CCDC178: variants seen among roughly 807,000 people sequenced by gnomAD.
CCDC178 encodes the protein coiled-coil domain containing 178, also known as coiled-coil domain-containing protein 178.
Under a neutral mutation model 117.4 loss-of-function variants are expected in CCDC178, and 126 were observed. That is an observed-to-expected ratio of 1.07 (90% CI 0.93 to 1.24). The LOEUF (loss-of-function observed/expected upper bound fraction) is 1.24, where lower values mean the gene tolerates loss of function less well. Among genes scored for constraint, CCDC178 ranks in the 50% most tolerant of loss-of-function variants. The pLI, the probability that CCDC178 is intolerant of heterozygous loss-of-function variation, is 0.00. For missense variants in CCDC178, 1,030 were observed against 986.9 expected, an observed-to-expected ratio of 1.04 and a Z score of -0.59; for synonymous variants, 283 against 313.4, an observed-to-expected ratio of 0.90 and a Z score of 1.02.
chr18:33,287,075 T>C (rs969458432), intron 12 of CCDC178, among the ~76,000 whole-genome samples: 4 of 69,370 alleles, frequency 5.8e-5, no homozygotes, highest in Admixed American at 5.6e-4. Context: ...AAGGAAACAA[T>C]GTGTTTTCAT....
At chr18:33,106,838 T>C (rs867874399) in intron 20 of CCDC178, among the ~76,000 whole-genome samples, 20 of 151,766 alleles carry the variant, frequency 1.3e-4, no homozygotes, top group Middle Eastern at 3.4e-3. Flanking sequence ...AAAATATGTA[T>C]GGGAATTGAG....
chr18:33,213,285 G>C (rs2059128062), intron 19 of CCDC178, among the ~76,000 whole-genome samples: 1 of 151,944 alleles, frequency 6.6e-6, no homozygotes, highest in Non-Finnish European at 1.5e-5. Context: ...GCTGTTATCA[G>C]CAAATTTGAA....
chr18:33,333,493 G>T (rs1389949507), intron 9 of CCDC178, 99 bp from the exon 10 acceptor site: 94 of 348,968 alleles, frequency 2.7e-4, no homozygotes, highest in South Asian at 4.7e-4. Flanking sequence ...TTCCTTATTT[G>T]TGAATCTTAC....
chr18:33,088,081 G>GA (rs2057409080), intron 21 of CCDC178, among the ~76,000 whole-genome samples: 1 of 152,014 alleles, frequency 6.6e-6, no homozygotes, highest in African/African-American at 2.4e-5. Context: ...GGATGCTGGA[G>GA]AGTTCTGATT....
intron 21 of CCDC178, among the ~76,000 whole-genome samples, chr18:32,978,082 G>C (rs1220118511): frequency 2.6e-5 from 4 of 151,840 alleles, no homozygotes; most frequent in South Asian, 4.2e-4. Flanking sequence ...TCAGTTGTCT[G>C]TATTCTAGCT....
At chr18:32,986,514 A>G (rs1448195354) in intron 21 of CCDC178, among the ~76,000 whole-genome samples, 2 of 152,134 alleles carry the variant, frequency 1.3e-5, no homozygotes, top group Admixed American at 1.3e-4. Context: ...CGCAGGAACA[A>G]ACAAAAACTA....
At chr18:33,383,806 C>T (rs1215350343) in intron 5 of CCDC178, among the ~76,000 whole-genome samples, 1 of 152,102 alleles carries the variant, frequency 6.6e-6, no homozygotes, top group Non-Finnish European at 1.5e-5. Context: ...GCCTATTCTC[C>T]TCCAAATAAT....
At position 33,083,861 on chromosome 18, in the gene CCDC178, A is replaced by C. The variant is rs190593780; in HGVS notation, c.2388+8900T>G. Among the ~76,000 whole-genome samples, 556 of 152,254 alleles carry C rather than the reference A, an allele frequency of 3.7e-3. 2 individuals carry two copies. The highest frequency in any genetic ancestry group is 0.013 in the African/African-American group (535 of 41,536). Reference sequence around the variant, plus strand: ...CTTCTTTTTCATGATGTTGATAAAAACTCTTCTCATTTCAAGATCAGATAC... The same window carrying C: ...CTTCTTTTTCATGATGTTGATAAAACCTCTTCTCATTTCAAGATCAGATAC... On this transcript the variant is annotated intron_variant, in intron 21 of 22. Coordinates refer to ENST00000383096, the MANE Select transcript of CCDC178 (RefSeq NM_001105528.4).
Position 33,072,468 on chromosome 18 carries a change from C to A in CCDC178, c.2388+20293G>T, listed in dbSNP as rs568641259. Among the ~76,000 whole-genome samples the A allele has an allele frequency of 8.5e-5, 13 of 152,132 alleles. No homozygotes were observed. The South Asian group carries it at 2.7e-3, about 32-fold the overall frequency. On this transcript the variant is annotated intron_variant, in intron 21 of 22. Transcript: ENST00000383096. ...TATCACATGCATCATCTCATATAAT[C>A]TTCACAGTACCTCTATTCAGTAAAA...
At chr18:33,166,937 C>T (rs2058539482) in intron 20 of CCDC178, among the ~76,000 whole-genome samples, 1 of 152,174 alleles carries the variant, frequency 6.6e-6, no homozygotes, top group African/African-American at 2.4e-5. Flanking sequence ...TGCCTCCCTC[C>T]ACCCTCAAGT....
chr18:33,224,777 C>T lies in CCDC178; in HGVS notation c.1816G>A (p.Val606Ile), dbSNP rs1190328871. Reference protein sequence around the residue: ...RIRSLDKEHSVMLNNIIDQKD... With the variant: ...RIRSLDKEHSIMLNNIIDQKD... ...TTTTGGATTAATTAAATGCTTACAACAGAATGTTCTTTGTCGAGACTTCTG... is the reference window on the plus strand; with the variant it reads ...TTTTGGATTAATTAAATGCTTACAATAGAATGTTCTTTGTCGAGACTTCTG... Residue 606 changes from valine to isoleucine, a missense_variant and splice_region_variant, in exon 17 of 23, where the codon GTT becomes ATT. Transcript: ENST00000383096. The T allele has an allele frequency of 9.9e-6, 15 of 1,508,900 alleles. No individual in the cohort carries two copies. The highest frequency in any genetic ancestry group is 1.3e-5 in the Non-Finnish European group (15 of 1,126,920). The allele number at this position is 1,508,900 out of a possible 1,614,324, so 93.5% of individuals were successfully genotyped here.
chr18:33,436,604 T>C (rs117075309), intron 2 of CCDC178, among the ~76,000 whole-genome samples: 3 of 152,350 alleles, frequency 2.0e-5, no homozygotes, highest in East Asian at 1.9e-4. Context: ...CTGTAAAATG[T>C]ATTAACTAAA....
intron 21 of CCDC178, among the ~76,000 whole-genome samples, chr18:33,020,746 T>C (rs1445199500): frequency 6.6e-6 from 1 of 152,192 alleles, no homozygotes; most frequent in East Asian, 1.9e-4. Context: ...TGCCCACAGG[T>C]GGCCTATGAC....
chr18:33,026,067 G>A (rs2056223025), intron 21 of CCDC178, among the ~76,000 whole-genome samples: 2 of 152,094 alleles, frequency 1.3e-5, no homozygotes, highest in South Asian at 2.1e-4. Context: ...ATACATGTGT[G>A]CATTTACCTG....
At chr18:33,029,406 T>G (rs553836861) in intron 21 of CCDC178, among the ~76,000 whole-genome samples, 1 of 152,080 alleles carries the variant, frequency 6.6e-6, no homozygotes, top group East Asian at 1.9e-4. Flanking sequence ...CTTATTTTAT[T>G]GGTTATAGTT....
chr18:33,346,337 C>T lies in CCDC178; in HGVS notation c.532G>A (p.Glu178Lys), dbSNP rs1214852328. ...SEAIRLIKSL[E>K]TDRADAEEAL... ...TCTTCAGCGTCTGCCCGGTCAGTTTCTAGACTTTTAATGAGACGAATGGCC... is the reference window on the plus strand; with the variant it reads ...TCTTCAGCGTCTGCCCGGTCAGTTTTTAGACTTTTAATGAGACGAATGGCC... The change falls in exon 9 of 23, where the codon GAA becomes AAA. Residue 178 changes from glutamate (E) to lysine (K), a missense_variant. By Grantham distance (56) the Glu-to-Lys change is moderately conservative. Coordinates refer to ENST00000383096, the MANE Select transcript of CCDC178 (RefSeq NM_001105528.4). 12 of 1,613,582 alleles carry T rather than the reference C, an allele frequency of 7.4e-6. No individual in the cohort carries two copies. Among genetic ancestry groups the T allele is most frequent in the Non-Finnish European group, 1.0e-5 (12 of 1,179,724 alleles).
At chr18:33,253,285 C>G (rs898855136) in intron 14 of CCDC178, among the ~76,000 whole-genome samples, 162 of 151,884 alleles carry the variant, frequency 1.1e-3, no homozygotes, top group African/African-American at 3.6e-3. Context: ...TGAAGGTAAA[C>G]TATATATGAA....
At chr18:33,297,903 G>C (rs562104993) in intron 11 of CCDC178, among the ~76,000 whole-genome samples, 2 of 152,156 alleles carry the variant, frequency 1.3e-5, no homozygotes, top group Non-Finnish European at 2.9e-5. Flanking sequence ...TTCGCCAGAC[G>C]TGGTGGCGGG....
chr18:33,126,350 ATATT>A (rs1388304357), intron 20 of CCDC178, among the ~76,000 whole-genome samples: 11 of 149,228 alleles, frequency 7.4e-5, no homozygotes, highest in African/African-American at 1.5e-4. Context: ...TATATTAAAT[ATATT>A]TAATTAGTAT....
Sources: gnomAD v4.1 joint callset for allele counts (sites outside exome capture counted in the v4.1 genomes callset) on GRCh38, gnomAD v4.1.1 for gene constraint, MANE v1.5 for transcripts, NCBI Gene and HGNC (gene_info 2026-07-23, HGNC 2026-07-21) for gene names.